Variants in BCKDHB observed in about 807,000 individuals in gnomAD.
BCKDHB encodes the protein 2-oxoisovalerate dehydrogenase subunit beta, mitochondrial.
In BCKDHB, 41 loss-of-function variants were observed where a neutral mutation model predicts 48.5. The observed-to-expected ratio is 0.85, with a 90% CI of 0.66 to 1.10. BCKDHB has a LOEUF of 1.10. Among genes scored for constraint, BCKDHB ranks in the 50% least tolerant of loss-of-function variants. The pLI is 0.00. For synonymous variants in BCKDHB, 201 were observed against 174.8 expected (o/e 1.15, Z -1.18); for missense variants, 496 against 494.2 (o/e 1.00, Z -0.03).
intron 6 of BCKDHB, among the ~76,000 whole-genome samples, chr6:80,194,574 C>T (rs1774050073): frequency 6.6e-6 from 1 of 152,120 alleles, no homozygotes; most frequent in Non-Finnish European, 1.5e-5. Flanking sequence ...ATTTGGTCAG[C>T]TCTTTTGTAG....
chr6:80,279,769 A>G (rs1778123684), intron 9 of BCKDHB, among the ~76,000 whole-genome samples: 1 of 152,124 alleles, frequency 6.6e-6, no homozygotes, highest in African/African-American at 2.4e-5. Context: ...TAGCCTTAAT[A>G]TGGGCATTTC....
At chr6:80,246,616 T>A (rs546903103) in intron 8 of BCKDHB, among the ~76,000 whole-genome samples, 1 of 152,276 alleles carries the variant, frequency 6.6e-6, no homozygotes, top group South Asian at 2.1e-4. Flanking sequence ...GTGTAAAGCT[T>A]TCAGCTCATT....
chr6:80,343,335 G>C (rs1236131931), intron 9 of BCKDHB, among the ~76,000 whole-genome samples: 1 of 152,186 alleles, frequency 6.6e-6, no homozygotes, highest in African/African-American at 2.4e-5. Flanking sequence ...TCATGCTGCA[G>C]AGTTAACTAC....
chr6:80,431,937 C>T, the BCKDHB span, among the ~76,000 whole-genome samples: 11 of 152,308 alleles, frequency 7.2e-5, no homozygotes, highest in African/African-American at 2.4e-4. Context: ...GATTTTATTT[C>T]TCCTTCACTT....
At chr6:80,397,802 C>A in the BCKDHB span, among the ~76,000 whole-genome samples, 1 of 152,290 alleles carries the variant, frequency 6.6e-6, no homozygotes, top group Non-Finnish European at 1.5e-5. Context: ...ATCCTTGAAC[C>A]TGGGAGGCAG....
chr6:80,167,249 T>C (rs2127772860), intron 3 of BCKDHB, among the ~76,000 whole-genome samples: 1 of 151,986 alleles, frequency 6.6e-6, no homozygotes, highest in East Asian at 1.9e-4. Context: ...TTCTTTTTTC[T>C]TTTTTTTAAC....
At chr6:80,449,220 G>A in the BCKDHB span, among the ~76,000 whole-genome samples, 3 of 152,172 alleles carry the variant, frequency 2.0e-5, no homozygotes, top group East Asian at 1.9e-4. Flanking sequence ...TTGAAGAAAC[G>A]AAATTGATTT....
intron 1 of BCKDHB, among the ~76,000 whole-genome samples, chr6:80,109,325 A>G (rs1276656806): frequency 6.6e-6 from 1 of 152,234 alleles, no homozygotes; most frequent in Non-Finnish European, 1.5e-5. Context: ...TTCAGTCAAT[A>G]AGTGGAACCT....
In BCKDHB at chr6:80,140,897, A is replaced by C. The variant is rs538107987; in HGVS notation, c.343+11668A>C. On this transcript the variant is annotated intron_variant, in intron 3 of 9. Transcript: ENST00000320393. ...AGGAATGGTACCAGTTCCTCCTTGT[A>C]CCTCTGGTAGAATTCGGCTGTGAAT... Among the ~76,000 whole-genome samples, 264 of 152,140 alleles carry C rather than the reference A, an allele frequency of 1.7e-3. 1 individual carries two copies. The highest frequency in any genetic ancestry group is 6.0e-3 in the African/African-American group (250 of 41,486).
chr6:80,363,164 A>G, the BCKDHB span, among the ~76,000 whole-genome samples: 1 of 152,206 alleles, frequency 6.6e-6, no homozygotes, highest in African/African-American at 2.4e-5. Context: ...GACACTTGGA[A>G]GATTTTTAGC....
intron 3 of BCKDHB, among the ~76,000 whole-genome samples, chr6:80,136,841 A>G (rs1295949399): frequency 6.6e-6 from 1 of 152,168 alleles, no homozygotes; most frequent in Admixed American, 6.5e-5. Context: ...AATTACCAGT[A>G]TATAAATTAC....
At chr6:80,422,036 G>A in the BCKDHB span, among the ~76,000 whole-genome samples, 5,943 of 152,242 alleles carry the variant, frequency 0.039, 389 homozygotes, top group African/African-American at 0.13. Flanking sequence ...GCATGCCAGA[G>A]TTCTTTGTGG....
At chr6:80,271,125 C>T (rs997537890) in intron 8 of BCKDHB, among the ~76,000 whole-genome samples, 5 of 152,018 alleles carry the variant, frequency 3.3e-5, no homozygotes, top group East Asian at 1.9e-4. Flanking sequence ...CATGTTGGCT[C>T]GATGTACATG....
chr6:80,225,994 A>T (rs1355228998), intron 8 of BCKDHB, among the ~76,000 whole-genome samples: 1 of 152,184 alleles, frequency 6.6e-6, no homozygotes, highest in Non-Finnish European at 1.5e-5. Flanking sequence ...TGTAAATGGA[A>T]TATTGTTTAC....
At chr6:80,185,131 T>C (rs1259524415) in intron 6 of BCKDHB, among the ~76,000 whole-genome samples, 1 of 152,158 alleles carries the variant, frequency 6.6e-6, no homozygotes, top group African/African-American at 2.4e-5. Flanking sequence ...TTGTTCATTT[T>C]TCTTTGTCTT....
chr6:80,453,358 G>C, the BCKDHB span: 2 of 152,104 alleles, frequency 1.3e-5, no homozygotes, highest in Admixed American at 6.5e-5. Context: ...CCACTTCAAG[G>C]GGCAGGGAAA....
At chr6:80,211,275 A>G (rs1037559964) in intron 8 of BCKDHB, among the ~76,000 whole-genome samples, 2 of 152,226 alleles carry the variant, frequency 1.3e-5, no homozygotes, top group African/African-American at 2.4e-5. Context: ...ATTAAAATGT[A>G]TAAGAATTTG....
intron 8 of BCKDHB, among the ~76,000 whole-genome samples, chr6:80,252,520 A>T (rs1472626765): frequency 2.6e-5 from 4 of 152,188 alleles, no homozygotes; most frequent in African/African-American, 9.6e-5. Context: ...TAGCTTTTCC[A>T]AACTTAATTT....
intron 3 of BCKDHB, among the ~76,000 whole-genome samples, chr6:80,164,375 A>G (rs1338236030): frequency 1.3e-5 from 2 of 152,146 alleles, no homozygotes; most frequent in African/African-American, 2.4e-5. Flanking sequence ...AGATATATGC[A>G]TGGTACACAT....
Sources: gnomAD v4.1 joint callset for allele counts (sites outside exome capture counted in the v4.1 genomes callset) on GRCh38, gnomAD v4.1.1 for gene constraint, MANE v1.5 for transcripts, NCBI Gene and HGNC (gene_info 2026-07-23, HGNC 2026-07-21) for gene names.